Variants in EHD1 observed in about 807,000 individuals in gnomAD.
The protein encoded by EHD1 is EH domain containing 1, also known as EH domain-containing protein 1.
A neutral mutation model predicts 39.0 loss-of-function variants in EHD1; 19 were observed. That is an observed-to-expected ratio of 0.49 (90% CI 0.34 to 0.72). EHD1 has a LOEUF of 0.72. EHD1 is among the 30% of genes least tolerant of loss of function. The probability of loss-of-function intolerance (pLI) is 0.01; values close to 1 mark genes in which losing one functional copy is unlikely to be tolerated. For missense variants in EHD1, 542 were observed against 751.5 expected (o/e 0.72, Z 3.26); for synonymous variants, 323 against 331.2 (o/e 0.98, Z 0.27).
intron 2 of EHD1, 71 bp downstream of exon 2, chr11:64,874,350 C>T (rs1387352629): frequency 7.7e-7 from 1 of 1,293,292 alleles, no homozygotes; most frequent in Non-Finnish European, 1.1e-6. Context: ...GCATCTGAAC[C>T]AAGTTGCAGA....
At chr11:64,876,646 G>A (rs1022459639) in intron 1 of EHD1, among the ~76,000 whole-genome samples, 3 of 152,182 alleles carry the variant, frequency 2.0e-5, no homozygotes, top group Admixed American at 1.3e-4. Context: ...TCTGAACCTC[G>A]GTTTCCTGAA....
chr11:64,855,702 A>G, intron 3 of EHD1: 1 of 621,114 alleles, frequency 1.6e-6, no homozygotes, highest in Non-Finnish European at 2.8e-6. Flanking sequence ...CTGCCACAGG[A>G]CAGAGGACAG....
chr11:64,876,968 G>A (rs1386836302), intron 1 of EHD1, among the ~76,000 whole-genome samples: 1 of 152,220 alleles, frequency 6.6e-6, no homozygotes, highest in Admixed American at 6.5e-5. Flanking sequence ...TTGGCTCTAG[G>A]GCAAGCTGCC....
In EHD1 at chr11:64,868,016, A is replaced by C. The variant is rs1943786807; in HGVS notation, c.502+6405T>G. ...CTGCCTTCCTGAGAACAGCTGGACC[A>C]TGTTTCCCGCCAGCACAGAAGGGGA... is the stretch of plus-strand genomic sequence containing the variant. On this transcript the variant is annotated intron_variant, in intron 2 of 4. Transcript: ENST00000320631. This position sits in a 1 kb window ranked among gnomAD's most constrained non-coding sequence, Gnocchi z 4.2. 6.6e-6 allele frequency among the ~76,000 whole-genome samples: 1 copy of C among 152,176 alleles called. No individual in the cohort carries two copies. Among genetic ancestry groups the C allele is most frequent in the Non-Finnish European group, 1.5e-5 (1 of 68,016 alleles).
At chr11:64,871,206 G>C (rs1347577446) in intron 2 of EHD1, among the ~76,000 whole-genome samples, 2 of 152,218 alleles carry the variant, frequency 1.3e-5, no homozygotes, top group Non-Finnish European at 2.9e-5. Flanking sequence ...CAGGCCAGGG[G>C]AGGCGTGTTG....
At chr11:64,863,589 A>G (rs377028607) in intron 2 of EHD1, among the ~76,000 whole-genome samples, 97 of 152,324 alleles carry the variant, frequency 6.4e-4, no homozygotes, top group African/African-American at 2.2e-3. Context: ...ATGGCACCAC[A>G]GGGTGTGCGG....
intron 4 of EHD1, 124 bp downstream of exon 4, chr11:64,855,198 C>A: frequency 7.1e-7 from 1 of 1,400,564 alleles, no homozygotes; most frequent in Non-Finnish European, 9.4e-7. Context: ...GGTGATTAAC[C>A]CAGCTGCTTC....
chr11:64,865,066 C>A (rs1943753575), intron 2 of EHD1, among the ~76,000 whole-genome samples: 1 of 152,236 alleles, frequency 6.6e-6, no homozygotes, highest in Admixed American at 6.5e-5. Context: ...AAGCCCATTT[C>A]TTTGCAGGTG....
rs761231096 is a variant in EHD1 at position 64,854,540 on chromosome 11, G to A, written c.1398C>T (p.Asn466=). The part of the protein sequence containing the change: ...SPVNGKITGA[N]AKKEMVKSKL... ...TGGACTTCACCATCTCCTTCTTGGC[G>A]TTGGCGCCCGTGATCTTGCCGTTGA... The change falls in exon 5 of 5, where the codon AAC becomes AAT. Residue 466 remains asparagine, a synonymous_variant. Transcript: ENST00000320631. The A allele has an allele frequency of 3.3e-5, 53 of 1,614,060 alleles. No individual in the cohort carries two copies. Among genetic ancestry groups the A allele is most frequent in the Non-Finnish European group, 3.9e-5 (46 of 1,180,020 alleles).
At chr11:64,874,301 CA>C (rs35867760) in intron 2 of EHD1, 119 bp downstream of exon 2, 45,886 of 460,760 alleles carry the variant, frequency 0.1, 27 homozygotes, top group East Asian at 0.14. Flanking sequence ...AAGACTCCGT[CA>C]AAAAAAAAAA....
Position 64,854,422 on chromosome 11 carries a change from G to A in EHD1, c.1516C>T (p.His506Tyr). The A allele has an allele frequency of 6.2e-7, 1 of 1,614,082 alleles. No individual in the cohort carries two copies. The highest frequency in any genetic ancestry group is 8.5e-7 in the Non-Finnish European group (1 of 1,179,972). Reference protein sequence around the residue: ...LDDEEFALANHLIKVKLEGHE... With the variant: ...LDDEEFALANYLIKVKLEGHE... ...CCCTCCAGCTTGACCTTGATGAGGT[G>A]GTTGGCCAGCGCGAACTCCTCGTCG... The change falls in exon 5 of 5, where the codon CAC (histidine) becomes TAC (tyrosine). Residue 506 changes from histidine (H) to tyrosine (Y), a missense_variant. His to Tyr is a moderately conservative substitution (Grantham distance 83). Transcript: ENST00000320631.
At position 64,854,294 on chromosome 11, in the gene EHD1, G is replaced by C. The variant is rs573676955; in HGVS notation, c.*39C>G. On this transcript the variant is annotated 3_prime_UTR_variant, in exon 5 of 5. Coordinates refer to ENST00000320631, the MANE Select transcript of EHD1 (RefSeq NM_006795.4). ...TCCCCTCCCCCCGTCTCTGCCTCCC[G>C]GCCGGGCGTGCAAATGGCAGGTGCG... 8.4e-6 allele frequency: 13 copies of C among 1,554,844 alleles called. No homozygotes were observed. Among genetic ancestry groups the C allele is most frequent in the East Asian group, 2.3e-5 (1 of 43,768 alleles).
chr11:64,878,748 A>G (rs556889982), upstream of EHD1: 35 of 1,179,900 alleles, frequency 3.0e-5, no homozygotes, highest in East Asian at 9.5e-4. Flanking sequence ...CGCCCCTCCG[A>G]CTGGTGCCAC....
intron 2 of EHD1, among the ~76,000 whole-genome samples, chr11:64,861,368 A>G (rs748313277): frequency 1.4e-4 from 21 of 152,120 alleles, no homozygotes; most frequent in Non-Finnish European, 2.6e-4. Context: ...GAGGAGGGCG[A>G]GAGTGAGGAG....
chr11:64,878,327 G>A lies in EHD1; in HGVS notation c.138C>T (p.His46=), dbSNP rs1191028225. 1 of 1,614,048 alleles carries A rather than the reference G, an allele frequency of 6.2e-7. No homozygotes were observed. Among genetic ancestry groups the A allele is most frequent in the African/African-American group, 1.3e-5 (1 of 74,948 alleles). Residue 46 remains histidine (H), a synonymous_variant, in exon 1 of 5, where the codon CAC becomes CAT. Coordinates refer to ENST00000320631, the MANE Select transcript of EHD1 (RefSeq NM_006795.4). The part of the protein sequence containing the change: ...LEEHYRFHEF[H]SPALEDADFD... ...AGTCAGCGTCCTCCAGCGCGGGCGA[G>A]TGGAACTCGTGGAAGCGGTAGTGCT...
chr11:64,855,270 T>G (rs376253529), intron 4 of EHD1, 52 bp downstream of exon 4: 50 of 1,590,162 alleles, frequency 3.1e-5, no homozygotes, highest in Admixed American at 1.4e-4. Context: ...CCCTGGGCCT[T>G]CCTTCTGCCC....
At chr11:64,862,835 C>G (rs113070138) in intron 2 of EHD1, among the ~76,000 whole-genome samples, 2 of 152,318 alleles carry the variant, frequency 1.3e-5, no homozygotes, top group Middle Eastern at 6.8e-3. Context: ...GATCATGCCA[C>G]TGCATTCCAG....
chr11:64,868,991 G>A lies in EHD1; in HGVS notation c.502+5430C>T, dbSNP rs1216470444. Among the ~76,000 whole-genome samples the A allele has an allele frequency of 6.6e-6, 1 of 152,196 alleles. No individual in the cohort carries two copies. Among genetic ancestry groups the A allele is most frequent in the Non-Finnish European group, 1.5e-5 (1 of 68,024 alleles). On this transcript the variant is annotated intron_variant, in intron 2 of 4. Coordinates refer to ENST00000320631, the MANE Select transcript of EHD1 (RefSeq NM_006795.4). The surrounding 1 kb of genome is among the most constrained non-coding windows in gnomAD (Gnocchi z 4.2). ...AGGTTTCCAGCTTGGAGGGCCGCGG[G>A]AGGATGGAGTGAGCCTGGCACACTG...
chr11:64,854,866 G>C lies in EHD1; in HGVS notation c.1081-9C>G. 6.9e-6 allele frequency: 11 copies of C among 1,595,134 alleles called. 1 individual carries two copies. Among genetic ancestry groups the C allele is most frequent in the East Asian group, 2.2e-5 (1 of 44,764 alleles). On this transcript the variant is annotated splice_polypyrimidine_tract_variant and intron_variant, in intron 4 of 4. Transcript: ENST00000320631. Reference sequence around the variant, plus strand: ...TGGGTCTGCAGGAGTTCCTGTGGGCGGGGGAGGAAGGACAAGGGCTGGGAA... The same window carrying C: ...TGGGTCTGCAGGAGTTCCTGTGGGCCGGGGAGGAAGGACAAGGGCTGGGAA...
Sources: allele counts gnomAD v4.1 joint callset (sites outside exome capture counted in the v4.1 genomes callset), GRCh38; gene constraint gnomAD v4.1.1; non-coding constraint Gnocchi (gnomAD v3.1); transcripts MANE v1.5; gene names NCBI Gene and HGNC (gene_info 2026-07-23, HGNC 2026-07-21).